SPICE1: variants seen among roughly 807,000 people sequenced by gnomAD.
The protein encoded by SPICE1 is spindle and centriole-associated protein 1.
SPICE1 carries 75 observed loss-of-function variants against 102.7 expected under a neutral mutation model. That is an observed-to-expected ratio of 0.73 (90% confidence interval 0.61 to 0.88). The LOEUF is 0.88. SPICE1 is among the 40% of genes least tolerant of loss of function. The pLI is 0.00. For synonymous variants in SPICE1, 308 were observed against 350.3 expected (o/e 0.88, Z 1.35); for missense variants, 979 against 1,020.1 (o/e 0.96, Z 0.55).
At chr3:113,451,179 CCTT>C (rs1489854905) in intron 14 of SPICE1, among the ~76,000 whole-genome samples, 2 of 152,158 alleles carry the variant, frequency 1.3e-5, no homozygotes, top group African/African-American at 4.8e-5. Context: ...TCTTGTCACT[CCTT>C]CTAACCATAT....
chr3:113,485,174 T>G (rs1576639718), intron 7 of SPICE1, among the ~76,000 whole-genome samples: 1 of 149,762 alleles, frequency 6.7e-6, no homozygotes, highest in African/African-American at 2.5e-5. Context: ...GGAGTTTTGT[T>G]TGTTTTTTTT....
At position 113,457,248 on chromosome 3, in the gene SPICE1, A is replaced by T; in HGVS notation, c.1545T>A (p.Pro515=). Reference sequence around the variant, plus strand: ...TCTTGGCCAGATTCATGTTATCTGGAGGGTCTGGCACCTGAGACAGTTTAA... The same window carrying T: ...TCTTGGCCAGATTCATGTTATCTGGTGGGTCTGGCACCTGAGACAGTTTAA... The part of the protein sequence containing the change: ...LPVKLSQVPD[P]PDNMNLAKNF... The change falls in exon 13 of 18, where the codon CCT becomes CCA. Residue 515 remains proline (P), a synonymous_variant. Coordinates refer to ENST00000295872, the MANE Select transcript of SPICE1 (RefSeq NM_144718.4). 6.2e-7 allele frequency: 1 copy of T among 1,614,186 alleles called. No individual in the cohort carries two copies. Among genetic ancestry groups the T allele is most frequent in the Non-Finnish European group, 8.5e-7 (1 of 1,180,030 alleles).
At position 113,446,694 on chromosome 3, in the gene SPICE1, A is replaced by G. The variant is rs1242117339; in HGVS notation, c.2427-18T>C. ...CGGAAGATCTATTCATGAAAAATAA[A>G]ACAGAGTAAGAGAGTGAGCTATCAT... On this transcript the variant is annotated intron_variant, in intron 16 of 17. Transcript: ENST00000295872. The G allele has an allele frequency of 1.3e-6, 2 of 1,586,060 alleles. No individual in the cohort carries two copies. Among genetic ancestry groups the G allele is most frequent in the South Asian group, 2.2e-5 (2 of 89,800 alleles).
intron 7 of SPICE1, among the ~76,000 whole-genome samples, chr3:113,487,056 A>C (rs1250374093): frequency 6.6e-6 from 1 of 151,986 alleles, no homozygotes; most frequent in Non-Finnish European, 1.5e-5. Context: ...AGAGGTAAAA[A>C]CCTAAAATTG....
In SPICE1 at chr3:113,493,214, C is replaced by T; in HGVS notation, c.484G>A (p.Glu162Lys). 6.2e-7 allele frequency: 1 copy of T among 1,601,352 alleles called. No homozygotes were observed. The highest frequency in any genetic ancestry group is 8.5e-7 in the Non-Finnish European group (1 of 1,174,452). The change falls in exon 6 of 18, where the codon GAA becomes AAA. Residue 162 changes from glutamate to lysine, a missense_variant. Transcript: ENST00000295872. ...TQSIFNESVI[E>K]PQALNDVDGE... is the part of the protein sequence containing the mutation. ...TGAGTGGAACACATTACCTGAGGTT[C>T]TATGACAGACTCATTAAAGATAGAT... is the stretch of plus-strand genomic sequence containing the variant.
intron 4 of SPICE1, among the ~76,000 whole-genome samples, chr3:113,497,611 TC>T (rs1378356698): frequency 6.6e-6 from 1 of 150,500 alleles, no homozygotes; most frequent in African/African-American, 2.4e-5. Flanking sequence ...TGGGGCCACA[TC>T]CTAGGTCAAC....
chr3:113,447,268 GGAAAGTACA>G (rs1935540131), intron 16 of SPICE1, among the ~76,000 whole-genome samples: 1 of 152,112 alleles, frequency 6.6e-6, no homozygotes, highest in Non-Finnish European at 1.5e-5. Flanking sequence ...AAAGATGAGT[GGAAAGTACA>G]GAGTTCCCAT....
chr3:113,514,363 A>G (rs1159630177), intron 1 of SPICE1: 2 of 291,470 alleles, frequency 6.9e-6, no homozygotes, highest in Non-Finnish European at 1.4e-5. Flanking sequence ...TGTTGAATCA[A>G]TCCTACCTAA....
chr3:113,445,776 C>T (rs1006393731), intron 17 of SPICE1, among the ~76,000 whole-genome samples: 4 of 152,174 alleles, frequency 2.6e-5, no homozygotes, highest in African/African-American at 4.8e-5. Context: ...TAGAACTGGA[C>T]AATTCGGGTA....
chr3:113,503,261 A>G (rs1937044328), intron 2 of SPICE1, 34 bp from the exon 3 acceptor site: 2 of 1,541,544 alleles, frequency 1.3e-6, no homozygotes, highest in Non-Finnish European at 8.7e-7. Context: ...TTAAAAAAAA[A>G]AAAAAGTTTT....
Position 113,453,815 on chromosome 3 carries a change from C to T in SPICE1, c.1793G>A (p.Arg598His), listed in dbSNP as rs533178014. The T allele has an allele frequency of 2.4e-5, 39 of 1,613,966 alleles. No homozygotes were observed. Among genetic ancestry groups the T allele is most frequent in the South Asian group, 1.8e-4 (16 of 91,080 alleles). Residue 598 changes from arginine to histidine, a missense_variant, in exon 14 of 18, where the codon CGT becomes CAT. By Grantham distance (29) the Arg-to-His change is conservative. Coordinates refer to ENST00000295872, the MANE Select transcript of SPICE1 (RefSeq NM_144718.4). ...TDIQNSSEEN[R>H]LFTQRWRVSH... ...GACTCTCCATCTCTGAGTGAAGAGA[C>T]GATTCTCTTCACTTGAATTCTGAAT... is the stretch of plus-strand genomic sequence containing the variant.
intron 7 of SPICE1, among the ~76,000 whole-genome samples, chr3:113,478,089 A>G (rs1216053906): frequency 6.6e-6 from 1 of 152,082 alleles, no homozygotes; most frequent in Non-Finnish European, 1.5e-5. Flanking sequence ...GAACAAAATT[A>G]CAAACTTCCT....
chr3:113,455,232 T>C (rs1935753810), intron 13 of SPICE1, among the ~76,000 whole-genome samples: 1 of 152,040 alleles, frequency 6.6e-6, no homozygotes, highest in Admixed American at 6.6e-5. Flanking sequence ...AAATAAAGGA[T>C]GAATGGGAGA....
Position 113,448,074 on chromosome 3 carries a change from CTACA to C in SPICE1, c.2386_2389del (p.Cys796ValfsTer9). ...TATCCCGCTGACGGGAGAGACAGTA[CTACA>C]TTTTGAGCTTTCTGGGGCTTCTGCT... On this transcript the variant is annotated frameshift_variant, in exon 16 of 18. Coordinates refer to ENST00000295872, the MANE Select transcript of SPICE1 (RefSeq NM_144718.4). LOFTEE classifies it high-confidence loss of function. 7 of 1,612,076 alleles carry C rather than the reference CTACA, an allele frequency of 4.3e-6. No homozygotes were observed. The highest frequency in any genetic ancestry group is 5.1e-6 in the Non-Finnish European group (6 of 1,179,014).
At chr3:113,489,556 A>G (rs367560984) in intron 6 of SPICE1, among the ~76,000 whole-genome samples, 186 of 152,200 alleles carry the variant, frequency 1.2e-3, no homozygotes, top group African/African-American at 4.1e-3. Flanking sequence ...TTCCTTTAAA[A>G]TCCACTTGGC....
Position 113,446,693 on chromosome 3 carries a change from A to G in SPICE1, c.2427-17T>C, listed in dbSNP as rs1935523164. 1 of 1,585,688 alleles carries G rather than the reference A, an allele frequency of 6.3e-7. No homozygotes were observed. The highest frequency in any genetic ancestry group is 8.7e-7 in the Non-Finnish European group (1 of 1,155,688). The stretch of plus-strand genomic sequence containing the variant: ...CCGGAAGATCTATTCATGAAAAATA[A>G]AACAGAGTAAGAGAGTGAGCTATCA... On this transcript the variant is annotated splice_polypyrimidine_tract_variant and intron_variant, in intron 16 of 17. Transcript: ENST00000295872.
intron 12 of SPICE1, among the ~76,000 whole-genome samples, chr3:113,458,326 C>CCT (rs1022373999): frequency 3.5e-4 from 53 of 152,332 alleles, no homozygotes; most frequent in Non-Finnish European, 6.2e-4. Flanking sequence ...GATTCTCCTG[C>CCT]CTCAGCCTGC....
intron 7 of SPICE1, among the ~76,000 whole-genome samples, chr3:113,486,043 G>T (rs1936639294): frequency 6.6e-6 from 1 of 151,936 alleles, no homozygotes; most frequent in East Asian, 1.9e-4. Context: ...CCTGGGATGT[G>T]GAGGTTGCAG....
chr3:113,461,241 A>G (rs192355304), intron 11 of SPICE1, among the ~76,000 whole-genome samples: 70 of 152,016 alleles, frequency 4.6e-4, no homozygotes. Flanking sequence ...TTACAACTTG[A>G]TTTTTACATA....
Sources: gnomAD v4.1 joint callset for allele counts (sites outside exome capture counted in the v4.1 genomes callset) on GRCh38, gnomAD v4.1.1 for gene constraint, MANE v1.5 for transcripts, NCBI Gene and HGNC (gene_info 2026-07-23, HGNC 2026-07-21) for gene names.